LNX1: variants seen among roughly 807,000 people sequenced by gnomAD.
The protein encoded by LNX1 is E3 ubiquitin-protein ligase LNX.
Under a neutral mutation model 68.4 loss-of-function variants are expected in LNX1, and 54 were observed. That is an observed-to-expected ratio of 0.79 (90% CI 0.63 to 0.99). The LOEUF (loss-of-function observed/expected upper bound fraction) is 0.99, where lower values mean the gene tolerates loss of function less well. Ranked by LOEUF, LNX1 falls within the 50% of genes least tolerant of loss-of-function variation. The probability of loss-of-function intolerance (pLI) is 0.00; values close to 1 mark genes in which losing one functional copy is unlikely to be tolerated. For missense variants in LNX1, 906 were observed against 926.4 expected (o/e 0.98, Z 0.29); for synonymous variants, 336 against 350.0 (o/e 0.96, Z 0.45).
chr4:53,568,085 C>A (rs1730834099), intron 2 of LNX1, among the ~76,000 whole-genome samples: 1 of 152,104 alleles, frequency 6.6e-6, no homozygotes. Flanking sequence ...GAACTGGTAC[C>A]ATTCCTTCTG....
intron 1 of LNX1, among the ~76,000 whole-genome samples, chr4:53,633,420 T>C (rs1381839833): frequency 6.6e-6 from 1 of 152,208 alleles, no homozygotes; most frequent in African/African-American, 2.4e-5. Flanking sequence ...GATTTCTTCA[T>C]CTCATTTTTT....
upstream of LNX1, among the ~76,000 whole-genome samples, chr4:53,593,680 T>G (rs138368297): frequency 6.8e-4 from 103 of 152,266 alleles, no homozygotes; most frequent in Admixed American, 1.8e-3. Flanking sequence ...GCTTTTTTTT[T>G]GGGCCATTAG....
chr4:53,494,529 T>C (rs188264477), intron 6 of LNX1, among the ~76,000 whole-genome samples: 1 of 152,318 alleles, frequency 6.6e-6, no homozygotes, highest in African/African-American at 2.4e-5. Context: ...ATCTTCCTCC[T>C]CTGAGGAATT....
intron 6 of LNX1, among the ~76,000 whole-genome samples, chr4:53,492,679 G>T (rs2109456673): frequency 6.6e-6 from 1 of 152,264 alleles, no homozygotes; most frequent in Non-Finnish European, 1.5e-5. Flanking sequence ...GGTCAAAATG[G>T]GTTGGGGGAG....
At chr4:53,553,014 G>T (rs967678654) in intron 2 of LNX1, among the ~76,000 whole-genome samples, 1 of 152,072 alleles carries the variant, frequency 6.6e-6, no homozygotes, top group Non-Finnish European at 1.5e-5. Flanking sequence ...ACCAACCAGG[G>T]TCTTCTTTAT....
intron 6 of LNX1, among the ~76,000 whole-genome samples, chr4:53,492,936 T>C (rs369004252): frequency 1.3e-5 from 2 of 152,186 alleles, no homozygotes; most frequent in East Asian, 3.9e-4. Flanking sequence ...CACATGAATT[T>C]GGGAATAGAT....
Position 53,525,405 on chromosome 4 carries a change from C to T in LNX1, c.381-17178G>A, listed in dbSNP as rs531454268. ...GTTGAGGCAGGAGAATCGCTTGAAC[C>T]TGGGAAATGAAGGTTACAGTGACAA... On this transcript the variant is annotated intron_variant, in intron 2 of 10. Transcript: ENST00000263925. Among the ~76,000 whole-genome samples, 10 of 152,264 alleles carry T rather than the reference C, an allele frequency of 6.6e-5. No individual in the cohort carries two copies. In the East Asian group the frequency reaches 1.7e-3, roughly 26 times the overall value.
At chr4:53,612,898 A>G (rs1432483183) in intron 2 of LNX1, among the ~76,000 whole-genome samples, 1 of 151,910 alleles carries the variant, frequency 6.6e-6, no homozygotes, top group East Asian at 1.9e-4. Flanking sequence ...AAAATAAAAA[A>G]GAAGAAATTA....
At chr4:53,493,360 C>T (rs1724837691) in intron 6 of LNX1, among the ~76,000 whole-genome samples, 1 of 152,176 alleles carries the variant, frequency 6.6e-6, no homozygotes, top group Non-Finnish European at 1.5e-5. Flanking sequence ...CCATGGGGGC[C>T]GAGAACCACC....
At chr4:53,503,254 T>G (rs1322124365) in intron 4 of LNX1, among the ~76,000 whole-genome samples, 2 of 152,228 alleles carry the variant, frequency 1.3e-5, no homozygotes, top group Non-Finnish European at 2.9e-5. Context: ...CTTAATGGCA[T>G]GTAGAAGGGT....
chr4:53,595,985 C>T (rs1397524064), upstream of LNX1, among the ~76,000 whole-genome samples: 2 of 152,050 alleles, frequency 1.3e-5, no homozygotes, highest in East Asian at 1.9e-4. Flanking sequence ...ACCTCTTTGG[C>T]TATCTTCTAA....
chr4:53,538,004 T>C (rs1447512645), intron 2 of LNX1, among the ~76,000 whole-genome samples: 2 of 152,242 alleles, frequency 1.3e-5, no homozygotes, highest in Non-Finnish European at 2.9e-5. Flanking sequence ...CTAATTATTC[T>C]GTCTCATTCT....
chr4:53,505,952 A>G (rs150920680), intron 4 of LNX1, among the ~76,000 whole-genome samples: 5 of 152,348 alleles, frequency 3.3e-5, no homozygotes, highest in Non-Finnish European at 7.3e-5. Context: ...GACTGTAATA[A>G]GCTGAGAGCT....
chr4:53,576,416 C>A, intron 1 of LNX1: 2 of 1,476,966 alleles, frequency 1.4e-6, no homozygotes, highest in South Asian at 3.0e-5. Context: ...CTATTCAGGT[C>A]AGGCTTGGAC....
chr4:53,470,799 T>C (rs1302750562), intron 9 of LNX1, among the ~76,000 whole-genome samples: 2 of 152,008 alleles, frequency 1.3e-5, no homozygotes, highest in Non-Finnish European at 2.9e-5. Flanking sequence ...GAAGGACCTC[T>C]TCAAGGAGAA....
At chr4:53,637,959 C>T (rs560945477) in intron 1 of LNX1, among the ~76,000 whole-genome samples, 46 of 152,302 alleles carry the variant, frequency 3.0e-4, no homozygotes, top group African/African-American at 1.1e-3. Context: ...AAGGCTCCCA[C>T]TGTGTATTCT....
intron 9 of LNX1, among the ~76,000 whole-genome samples, chr4:53,464,572 GAA>G (rs1579346062): frequency 7.1e-6 from 1 of 141,206 alleles, no homozygotes; most frequent in East Asian, 2.1e-4. Flanking sequence ...AGTTATGAGA[GAA>G]ATGCCGAGTC....
upstream of LNX1, among the ~76,000 whole-genome samples, chr4:53,596,351 G>C (rs1732753411): frequency 6.6e-6 from 1 of 152,226 alleles, no homozygotes; most frequent in South Asian, 2.1e-4. Flanking sequence ...TTTGGGGAGA[G>C]AGAGAGTATC....
At chr4:53,522,445 A>G (rs1210398597) in intron 2 of LNX1, among the ~76,000 whole-genome samples, 2 of 152,222 alleles carry the variant, frequency 1.3e-5, no homozygotes, top group Non-Finnish European at 2.9e-5. Flanking sequence ...CAACACAGAA[A>G]TAAAGCAGAC....
Sources: gnomAD v4.1 joint callset for allele counts (sites outside exome capture counted in the v4.1 genomes callset) on GRCh38, gnomAD v4.1.1 for gene constraint, MANE v1.5 for transcripts, NCBI Gene and HGNC (gene_info 2026-07-23, HGNC 2026-07-21) for gene names.